EPM2A: variants seen among roughly 807,000 people sequenced by gnomAD.
EPM2A encodes laforin.
In EPM2A, 21 loss-of-function variants were observed where a neutral mutation model predicts 26.5. That is an observed-to-expected ratio of 0.79 (90% confidence interval 0.56 to 1.14). EPM2A has a LOEUF of 1.14. Ranked by LOEUF, EPM2A falls within the 50% of genes most tolerant of loss-of-function variation. The pLI is 0.00. For synonymous variants in EPM2A, 217 were observed against 177.6 expected (o/e 1.22, Z -1.76); for missense variants, 458 against 440.8 (o/e 1.04, Z -0.35).
rs116469403 is a variant in EPM2A, at chr6:145,415,141, T to C, written c.556-31044A>G. Among the ~76,000 whole-genome samples, 1,286 of 152,302 alleles carry C rather than the reference T, an allele frequency of 8.4e-3. 13 individuals carry two copies. Among genetic ancestry groups the C allele is most frequent in the African/African-American group, 0.029 (1,214 of 41,578 alleles). On this transcript the variant is annotated intron_variant, in intron 4 of 4. Transcript: ENST00000638717. ...GTATTGAGCACTATTCTGGGAAGCA[T>C]GCAAGTTCAGGGAAAGTTAGGGTTT...
chr6:145,734,133 G>A (rs1173610012), intron 1 of EPM2A, among the ~76,000 whole-genome samples: 1 of 152,180 alleles, frequency 6.6e-6, no homozygotes, highest in Admixed American at 6.5e-5. Context: ...AATGTTCAAA[G>A]ATATCTGTAA....
chr6:145,577,091 G>A (rs146741807), intron 2 of EPM2A, among the ~76,000 whole-genome samples: 119 of 150,434 alleles, frequency 7.9e-4, no homozygotes, highest in African/African-American at 2.7e-3. Flanking sequence ...AATCACTTAC[G>A]CACAAATAAA....
intron 2 of EPM2A, among the ~76,000 whole-genome samples, chr6:145,544,781 T>C (rs427128): frequency 0.35 from 53,501 of 152,036 alleles, 10,010 homozygotes; most frequent in South Asian, 0.51. Context: ...GGACTAGTAT[T>C]GCTTTTTTTG....
At chr6:145,515,859 A>T (rs1215100666) in intron 2 of EPM2A, among the ~76,000 whole-genome samples, 1 of 152,180 alleles carries the variant, frequency 6.6e-6, no homozygotes, top group Non-Finnish European at 1.5e-5. Flanking sequence ...CAAACCATGC[A>T]TTTGTACAGT....
At chr6:145,617,740 A>G (rs1775546459) in intron 2 of EPM2A, among the ~76,000 whole-genome samples, 1 of 152,128 alleles carries the variant, frequency 6.6e-6, no homozygotes, top group Non-Finnish European at 1.5e-5. Context: ...GGAGTTTGAG[A>G]CCAGCCTGGG....
intron 4 of EPM2A, among the ~76,000 whole-genome samples, chr6:145,480,547 A>G (rs1779601292): frequency 6.6e-6 from 1 of 152,054 alleles, no homozygotes; most frequent in African/African-American, 2.4e-5. Context: ...ATTTTCTCCC[A>G]TTCTGTAGGT....
At chr6:145,481,901 C>T (rs1318056029) in intron 4 of EPM2A, among the ~76,000 whole-genome samples, 6 of 145,818 alleles carry the variant, frequency 4.1e-5, no homozygotes, top group South Asian at 2.3e-4. Flanking sequence ...CCATAAACAA[C>T]ATATTTGGAT....
At chr6:145,395,545 A>G (rs1383840056) in intron 4 of EPM2A, among the ~76,000 whole-genome samples, 2 of 152,060 alleles carry the variant, frequency 1.3e-5, no homozygotes, top group Non-Finnish European at 2.9e-5. Context: ...CTCTCACTAT[A>G]CATGTTCCTT....
chr6:145,645,598 C>A (rs1189002777), intron 2 of EPM2A, among the ~76,000 whole-genome samples: 1 of 151,936 alleles, frequency 6.6e-6, no homozygotes, highest in Non-Finnish European at 1.5e-5. Flanking sequence ...AGCCACCATC[C>A]TGGCAAACTT....
chr6:145,729,606 G>A (rs548308616), intron 1 of EPM2A, among the ~76,000 whole-genome samples: 4 of 145,386 alleles, frequency 2.8e-5, no homozygotes, highest in African/African-American at 1.0e-4. Flanking sequence ...TGGAATGGGA[G>A]TACTTAGCCA....
intron 2 of EPM2A, among the ~76,000 whole-genome samples, chr6:145,600,391 A>G (rs1386022887): frequency 6.6e-6 from 1 of 152,136 alleles, no homozygotes; most frequent in African/African-American, 2.4e-5. Flanking sequence ...TTCACTGGTC[A>G]TCTCCCAGTC....
intron 4 of EPM2A, among the ~76,000 whole-genome samples, chr6:145,486,017 C>A (rs1037088922): frequency 6.6e-6 from 1 of 152,162 alleles, no homozygotes; most frequent in Non-Finnish European, 1.5e-5. Flanking sequence ...AGCTACAATT[C>A]AAGATGAGAT....
chr6:145,595,942 T>C (rs1311901050), intron 2 of EPM2A, among the ~76,000 whole-genome samples: 1 of 152,192 alleles, frequency 6.6e-6, no homozygotes, highest in Non-Finnish European at 1.5e-5. Flanking sequence ...TGATGAATAA[T>C]GTTGGCTGCT....
At chr6:145,590,004 C>T (rs1375627372) in intron 2 of EPM2A, among the ~76,000 whole-genome samples, 1 of 151,980 alleles carries the variant, frequency 6.6e-6, no homozygotes, top group African/African-American at 2.4e-5. Context: ...ATAGGGTAAA[C>T]CACCACACAA....
intron 2 of EPM2A, among the ~76,000 whole-genome samples, chr6:145,670,700 C>T (rs910020167): frequency 1.3e-5 from 2 of 151,760 alleles, no homozygotes; most frequent in Non-Finnish European, 2.9e-5. Flanking sequence ...ATAAATCATC[C>T]TAATATAATG....
chr6:145,455,550 G>T (rs1261926628), intron 4 of EPM2A, among the ~76,000 whole-genome samples: 1 of 152,050 alleles, frequency 6.6e-6, no homozygotes, highest in Non-Finnish European at 1.5e-5. Context: ...TAGAGACAGG[G>T]TTTCACCATG....
At chr6:145,665,045 C>A (rs1384289249) in intron 2 of EPM2A, among the ~76,000 whole-genome samples, 1 of 91,810 alleles carries the variant, frequency 1.1e-5, no homozygotes, top group Non-Finnish European at 2.2e-5. Flanking sequence ...GCACTAAATG[C>A]CCACAAGAGA....
intron 4 of EPM2A, among the ~76,000 whole-genome samples, chr6:145,393,563 T>C (rs1007265434): frequency 1.3e-5 from 2 of 152,162 alleles, no homozygotes; most frequent in African/African-American, 4.8e-5. Flanking sequence ...TTTCTTTTCC[T>C]TGTGGTAAAT....
chr6:145,527,588 A>G (rs1225164769), intron 2 of EPM2A, among the ~76,000 whole-genome samples: 1 of 151,998 alleles, frequency 6.6e-6, no homozygotes, highest in Non-Finnish European at 1.5e-5. Flanking sequence ...GTTGCTATTT[A>G]AGAATAGCAT....
Sources: gnomAD v4.1 joint callset for allele counts (sites outside exome capture counted in the v4.1 genomes callset) on GRCh38, gnomAD v4.1.1 for gene constraint, MANE v1.5 for transcripts, NCBI Gene and HGNC (gene_info 2026-07-23, HGNC 2026-07-21) for gene names.